The following SOX6 variants were observed in gnomAD, a reference collection of about 807,000 sequenced individuals.
SOX6 encodes the protein SRY-box transcription factor 6.
A neutral mutation model predicts 97.8 loss-of-function variants in SOX6; 11 were observed. The observed-to-expected ratio is 0.11, with a 90% CI of 0.07 to 0.19. SOX6 has a LOEUF of 0.19. Among genes scored for constraint, SOX6 ranks in the 10% least tolerant of loss-of-function variants. The probability of loss-of-function intolerance (pLI) is 1.00; values close to 1 mark genes in which losing one functional copy is unlikely to be tolerated. For missense variants in SOX6, 810 were observed against 1,039.5 expected (o/e 0.78, Z 3.04); for synonymous variants, 360 against 371.4 (o/e 0.97, Z 0.35).
intron 6 of SOX6, among the ~76,000 whole-genome samples, chr11:16,180,496 CTA>C (rs1443727581): frequency 1.3e-5 from 2 of 151,662 alleles, no homozygotes; most frequent in African/African-American, 4.8e-5. Flanking sequence ...TCAAAAATAT[CTA>C]TTTTTTTCCT....
chr11:16,617,615 TCAATA>T (rs1848487178), intron 3 of SOX6, among the ~76,000 whole-genome samples: 1 of 151,886 alleles, frequency 6.6e-6, no homozygotes, highest in East Asian at 1.9e-4. Flanking sequence ...CTACATCACT[TCAATA>T]CAAGTTTGAA....
chr11:16,056,163 G>GT (rs568405139), intron 9 of SOX6, among the ~76,000 whole-genome samples: 2,029 of 146,852 alleles, frequency 0.014, 22 homozygotes, highest in South Asian at 0.028. Context: ...TAGAATTCAG[G>GT]TTTTTTTTTT....
intron 1 of SOX6, among the ~76,000 whole-genome samples, chr11:16,389,600 A>C (rs1055727374): frequency 2.0e-5 from 3 of 151,686 alleles, no homozygotes; most frequent in African/African-American, 7.3e-5. Flanking sequence ...ATTTTGGATT[A>C]TATCTTAGAC....
chr11:16,544,218 A>G (rs929950568), intron 4 of SOX6, among the ~76,000 whole-genome samples: 1 of 152,100 alleles, frequency 6.6e-6, no homozygotes, highest in Non-Finnish European at 1.5e-5. Context: ...GGTGGGAGAA[A>G]TGGTGAGTGA....
chr11:16,581,894 G>A (rs1235084185), intron 4 of SOX6, among the ~76,000 whole-genome samples: 1 of 150,646 alleles, frequency 6.6e-6, no homozygotes, highest in African/African-American at 2.4e-5. Context: ...CCAGGAGACA[G>A]AGGTTGCAGT....
intron 2 of SOX6, among the ~76,000 whole-genome samples, chr11:16,725,529 A>G (rs1461915207): frequency 1.3e-5 from 2 of 152,104 alleles, no homozygotes; most frequent in Non-Finnish European, 2.9e-5. Flanking sequence ...GCTAAGTGAA[A>G]GGAACCAGTC....
At chr11:16,025,653 C>G (rs1032992346) in intron 12 of SOX6, among the ~76,000 whole-genome samples, 2 of 152,070 alleles carry the variant, frequency 1.3e-5, no homozygotes, top group South Asian at 2.1e-4. Flanking sequence ...CAAAGCTATA[C>G]GAACCAAGAA....
chr11:16,371,680 T>C (rs1395379589), intron 1 of SOX6, among the ~76,000 whole-genome samples: 2 of 152,146 alleles, frequency 1.3e-5, no homozygotes, highest in African/African-American at 4.8e-5. Context: ...ATGTGATACA[T>C]GTTGCATATG....
chr11:16,480,650 C>T (rs1258391847), upstream of SOX6, among the ~76,000 whole-genome samples: 1 of 151,524 alleles, frequency 6.6e-6, no homozygotes, highest in Non-Finnish European at 1.5e-5. Context: ...TAGTAACCCC[C>T]CCCCCACCTT....
At chr11:16,408,542 G>A (rs1858731210) in intron 1 of SOX6, among the ~76,000 whole-genome samples, 1 of 152,100 alleles carries the variant, frequency 6.6e-6, no homozygotes, top group Non-Finnish European at 1.5e-5. Flanking sequence ...GACAAGGACA[G>A]AAAAAAGTAA....
intron 4 of SOX6, among the ~76,000 whole-genome samples, chr11:16,507,322 A>T (rs1265402099): frequency 6.6e-6 from 1 of 152,156 alleles, no homozygotes; most frequent in Non-Finnish European, 1.5e-5. Flanking sequence ...AAAGACTAAT[A>T]CAATAACCAT....
At chr11:16,059,771 C>T (rs1305212327) in intron 9 of SOX6, among the ~76,000 whole-genome samples, 3 of 151,888 alleles carry the variant, frequency 2.0e-5, no homozygotes, top group African/African-American at 7.2e-5. Context: ...ATGAGGGGGG[C>T]ATCTTTTTGG....
chr11:16,517,657 G>T (rs528622542), intron 4 of SOX6, among the ~76,000 whole-genome samples: 1 of 152,156 alleles, frequency 6.6e-6, no homozygotes, highest in East Asian at 1.9e-4. Flanking sequence ...CCAATGTTAG[G>T]ACTTAAACCC....
intron 1 of SOX6, among the ~76,000 whole-genome samples, chr11:16,386,040 G>A (rs955248511): frequency 6.6e-6 from 1 of 152,086 alleles, no homozygotes; most frequent in African/African-American, 2.4e-5. Context: ...TGGCTCTCAA[G>A]CTCCCCCAGC....
chr11:16,623,471 A>T (rs1848576722), intron 3 of SOX6, among the ~76,000 whole-genome samples: 1 of 151,918 alleles, frequency 6.6e-6, no homozygotes, highest in African/African-American at 2.4e-5. Flanking sequence ...GTCCTTTGTC[A>T]GATGTATAGA....
chr11:16,242,586 T>G (rs910584036), intron 3 of SOX6, among the ~76,000 whole-genome samples: 1 of 151,198 alleles, frequency 6.6e-6, no homozygotes, highest in African/African-American at 2.4e-5. Flanking sequence ...CTCAACATGA[T>G]GCAACCAAAA....
rs1848324140 is a variant in SOX6, at chr11:16,605,493, G to T, written n.609+6588C>A. On this transcript the variant is annotated intron_variant and non_coding_transcript_variant, in intron 4 of 5. Coordinates refer to the SOX6 transcript ENST00000524520. This position sits in a 1 kb window ranked among gnomAD's most constrained non-coding sequence, Gnocchi z 5.3. ...AACGGGGGGAGGGGGAAGGAAGGGC[G>T]ACAAGCGGAGGGAGCTGGAGGCAAC... Among the ~76,000 whole-genome samples, 1 of 152,148 alleles carries T rather than the reference G, an allele frequency of 6.6e-6. No homozygotes were observed.
At chr11:16,704,024 T>C (rs969894012) in intron 3 of SOX6, among the ~76,000 whole-genome samples, 1 of 152,152 alleles carries the variant, frequency 6.6e-6, no homozygotes, top group African/African-American at 2.4e-5. Context: ...TCCAAATTAG[T>C]TACATAAAGA....
chr11:16,226,475 G>A (rs774377695), intron 4 of SOX6, among the ~76,000 whole-genome samples: 6 of 152,020 alleles, frequency 3.9e-5, no homozygotes, highest in Non-Finnish European at 7.4e-5. Context: ...GGAAATGCCC[G>A]ACACAGCACA....
Sources: allele counts gnomAD v4.1 joint callset (sites outside exome capture counted in the v4.1 genomes callset), GRCh38; gene constraint gnomAD v4.1.1; non-coding constraint Gnocchi (gnomAD v3.1); transcripts MANE v1.5; gene names NCBI Gene and HGNC (gene_info 2026-07-23, HGNC 2026-07-21).